Variants in ASTN1 observed in about 807,000 individuals in gnomAD.
ASTN1 encodes astrotactin-1.
Under a neutral mutation model 140.7 loss-of-function variants are expected in ASTN1, and 41 were observed. That is an observed-to-expected ratio of 0.29 (90% CI 0.23 to 0.38). The LOEUF (loss-of-function observed/expected upper bound fraction) is 0.38. Ranked by LOEUF, ASTN1 falls within the 10% of genes least tolerant of loss-of-function variation. The probability of loss-of-function intolerance (pLI) is 1.00; values close to 1 mark genes in which losing one functional copy is unlikely to be tolerated. For synonymous variants in ASTN1, 640 were observed against 652.2 expected (o/e 0.98, Z 0.29); for missense variants, 1,479 against 1,678.8 (o/e 0.88, Z 2.08).
intron 1 of ASTN1, among the ~76,000 whole-genome samples, chr1:177,157,226 G>C (rs978936430): frequency 2.0e-5 from 3 of 152,180 alleles, no homozygotes; most frequent in Admixed American, 2.0e-4. Context: ...GAGAGAAACT[G>C]GGTATGGGGC....
Position 176,949,320 on chromosome 1 carries a change from C to A in ASTN1, c.1919G>T (p.Ser640Ile), listed in dbSNP as rs1432142877. The A allele has an allele frequency of 1.2e-6, 2 of 1,613,978 alleles. No individual in the cohort carries two copies. The highest frequency in any genetic ancestry group is 2.7e-5 in the African/African-American group (2 of 74,930). Residue 640 changes from serine to isoleucine, a missense_variant, in exon 12 of 23, where the codon AGC becomes ATC. By Grantham distance (142) the Ser-to-Ile change is moderately radical. Coordinates refer to ENST00000361833, the MANE Select transcript of ASTN1 (RefSeq NM_004319.3). ...GATGTGGCGGTCATAGCAGCCAGAGCTGTCCTTCATGGGACTGAGTCCAGA... is the reference window on the plus strand; with the variant it reads ...GATGTGGCGGTCATAGCAGCCAGAGATGTCCTTCATGGGACTGAGTCCAGA... ...CPSGLSPMKD[S>I]SGCYDRHIGV...
At chr1:177,057,603 C>T (rs1677873606) in intron 2 of ASTN1, among the ~76,000 whole-genome samples, 1 of 152,178 alleles carries the variant, frequency 6.6e-6, no homozygotes, top group Non-Finnish European at 1.5e-5. Context: ...TATACATTTT[C>T]TTAACAGAAG....
At chr1:177,068,388 G>A (rs1678468471) in intron 1 of ASTN1, among the ~76,000 whole-genome samples, 1 of 152,174 alleles carries the variant, frequency 6.6e-6, no homozygotes, top group Non-Finnish European at 1.5e-5. Flanking sequence ...TTGACTTGCT[G>A]GGATTTGGAA....
intron 6 of ASTN1, 69 bp from the exon 7 acceptor site, chr1:177,023,640 C>T (rs1456103044): frequency 1.4e-6 from 2 of 1,432,518 alleles, no homozygotes; most frequent in African/African-American, 2.9e-5. Flanking sequence ...CCACCGAAGA[C>T]AAGGAAATCC....
chr1:177,145,127 C>A (rs1220023810), intron 1 of ASTN1, among the ~76,000 whole-genome samples: 1 of 152,160 alleles, frequency 6.6e-6, no homozygotes, highest in African/African-American at 2.4e-5. Context: ...CTTTAACCTG[C>A]AACCTCAGAA....
At chr1:177,009,360 T>A (rs1326554110) in intron 8 of ASTN1, among the ~76,000 whole-genome samples, 1 of 152,192 alleles carries the variant, frequency 6.6e-6, no homozygotes. Flanking sequence ...CTGTTAAGAA[T>A]GACATCCTTC....
chr1:177,002,826 T>A (rs540956361), intron 8 of ASTN1, among the ~76,000 whole-genome samples: 20 of 152,276 alleles, frequency 1.3e-4, no homozygotes, highest in South Asian at 4.1e-4. Flanking sequence ...CACCTTTTTT[T>A]AAAATATCCA....
chr1:176,933,508 C>G (rs776029834), intron 16 of ASTN1, among the ~76,000 whole-genome samples: 3 of 152,126 alleles, frequency 2.0e-5, no homozygotes, highest in Non-Finnish European at 1.5e-5. Context: ...GGCCACTATG[C>G]CTGCTATACC....
Position 176,863,620 on chromosome 1 carries a change from C to A in ASTN1, c.*664G>T. 1 of 985,536 alleles carries A rather than the reference C, an allele frequency of 1.0e-6. No homozygotes were observed. Among genetic ancestry groups the A allele is most frequent in the Non-Finnish European group, 1.2e-6 (1 of 830,056 alleles). The allele number at this position is 985,536 out of a possible 1,614,324, so 61.0% of individuals were successfully genotyped here. On this transcript the variant is annotated 3_prime_UTR_variant, in exon 23 of 23. Transcript: ENST00000361833. ...TGACAGAGGGAGATTTAATCCCAGT[C>A]CTGGCTTAAAATAAGGAAGGATCTC... is the stretch of plus-strand genomic sequence containing the variant.
At chr1:177,115,676 A>AAATAAATG (rs1441329476) in intron 1 of ASTN1, among the ~76,000 whole-genome samples, 2 of 151,178 alleles carry the variant, frequency 1.3e-5, no homozygotes, top group African/African-American at 4.9e-5. Flanking sequence ...ATAAATAAAT[A>AAATAAATG]AATAAATAAA....
At chr1:176,924,429 A>T (rs1180545241) in intron 16 of ASTN1, among the ~76,000 whole-genome samples, 1 of 152,214 alleles carries the variant, frequency 6.6e-6, no homozygotes, top group Non-Finnish European at 1.5e-5. Flanking sequence ...ATCTGGATTT[A>T]CTTCAATCCT....
At chr1:177,128,196 AAAG>A (rs1394577208) in intron 1 of ASTN1, among the ~76,000 whole-genome samples, 9 of 152,184 alleles carry the variant, frequency 5.9e-5, no homozygotes, top group African/African-American at 1.9e-4. Flanking sequence ...CTGTATAAAA[AAAG>A]AAAACAAAAG....
chr1:176,898,910 A>G (rs1206906275), intron 16 of ASTN1, among the ~76,000 whole-genome samples: 2 of 152,220 alleles, frequency 1.3e-5, no homozygotes, highest in Admixed American at 6.5e-5. Context: ...CTCTCTGGAC[A>G]GAAGAAATAA....
intron 2 of ASTN1, among the ~76,000 whole-genome samples, chr1:177,043,344 T>C (rs185067294): frequency 1.1e-3 from 161 of 152,328 alleles, no homozygotes; most frequent in Non-Finnish European, 2.0e-3. Flanking sequence ...AACTAGGAAC[T>C]TCATTACAGT....
chr1:177,142,167 A>G (rs1682502919), intron 1 of ASTN1, among the ~76,000 whole-genome samples: 1 of 152,120 alleles, frequency 6.6e-6, no homozygotes, highest in African/African-American at 2.4e-5. Context: ...ATTTTTCTGA[A>G]CTTATTGTTA....
In ASTN1 at chr1:176,862,351, G is replaced by A; in HGVS notation, c.*1933C>T. Reference sequence around the variant, plus strand: ...CATCACAGGCTTCCTTCCCAGTCATGAGGGTGGGGAGGAGGGCCATGTGCA... The same window carrying A: ...CATCACAGGCTTCCTTCCCAGTCATAAGGGTGGGGAGGAGGGCCATGTGCA... On this transcript the variant is annotated 3_prime_UTR_variant, in exon 23 of 23. Coordinates refer to ENST00000361833, the MANE Select transcript of ASTN1 (RefSeq NM_004319.3). 1 of 985,498 alleles carries A rather than the reference G, an allele frequency of 1.0e-6. No individual in the cohort carries two copies. Among genetic ancestry groups the A allele is most frequent in the Non-Finnish European group, 1.2e-6 (1 of 829,974 alleles). The allele number at this position is 985,498 out of a possible 1,614,324, so 61.0% of individuals were successfully genotyped here.
intron 8 of ASTN1, among the ~76,000 whole-genome samples, chr1:176,968,293 A>G (rs1672973512): frequency 6.6e-6 from 1 of 152,262 alleles, no homozygotes; most frequent in African/African-American, 2.4e-5. Context: ...GATCAATTAC[A>G]TGCATCAAAT....
chr1:177,097,675 C>T (rs369866853), intron 1 of ASTN1, among the ~76,000 whole-genome samples: 1 of 152,054 alleles, frequency 6.6e-6, no homozygotes, highest in Non-Finnish European at 1.5e-5. Flanking sequence ...GGAGTTTATG[C>T]TAATGAGATA....
chr1:176,888,233 G>A, intron 17 of ASTN1, 29 bp from the exon 18 acceptor site: 1 of 1,612,404 alleles, frequency 6.2e-7, no homozygotes, highest in Non-Finnish European at 8.5e-7. Flanking sequence ...AAAAGATTGA[G>A]TGTTGAGAAG....
Sources: allele counts gnomAD v4.1 joint callset (sites outside exome capture counted in the v4.1 genomes callset), GRCh38; gene constraint gnomAD v4.1.1; transcripts MANE v1.5; gene names NCBI Gene and HGNC (gene_info 2026-07-23, HGNC 2026-07-21).